Variants in CACNA2D3 observed in about 807,000 individuals in gnomAD.
The protein encoded by CACNA2D3 is calcium voltage-gated channel auxiliary subunit alpha2delta 3.
In CACNA2D3, 60 loss-of-function variants were observed where a neutral mutation model predicts 160.6. The ratio of observed to expected loss-of-function variants is 0.37; its 90% CI spans 0.30 to 0.46. The LOEUF is 0.46. CACNA2D3 is among the 20% of genes least tolerant of loss of function. The pLI, the probability that CACNA2D3 is intolerant of heterozygous loss-of-function variation, is 1.00. For synonymous variants in CACNA2D3, 558 were observed against 492.9 expected (o/e 1.13, Z -1.75); for missense variants, 1,205 against 1,365.0 (o/e 0.88, Z 1.85).
chr3:54,339,829 C>G (rs558638236), intron 3 of CACNA2D3, among the ~76,000 whole-genome samples: 17 of 152,216 alleles, frequency 1.1e-4, no homozygotes, highest in African/African-American at 3.9e-4. Context: ...CTAATGGTAC[C>G]ACTCACTCCT....
chr3:54,381,929 G>A (rs1211954144), intron 3 of CACNA2D3, among the ~76,000 whole-genome samples: 2 of 152,100 alleles, frequency 1.3e-5, no homozygotes, highest in South Asian at 2.1e-4. Flanking sequence ...TAGCTTATAG[G>A]TGCTTTTTTC....
At chr3:54,514,329 G>T (rs370205748) in intron 5 of CACNA2D3, among the ~76,000 whole-genome samples, 3 of 152,158 alleles carry the variant, frequency 2.0e-5, no homozygotes, top group Non-Finnish European at 4.4e-5. Context: ...ATGCAAAAAG[G>T]CTCTTCTCCT....
At position 55,074,519 on chromosome 3, in the gene CACNA2D3, AACTGTGTACTTTTTAAATAAAGT is replaced by A; in HGVS notation, c.*315_*337del. The A allele has an allele frequency of 3.8e-6, 1 of 261,584 alleles. No individual in the cohort carries two copies. Among genetic ancestry groups the A allele is most frequent in the Non-Finnish European group, 7.3e-6 (1 of 137,854 alleles). The allele number at this position is 261,584 out of a possible 1,614,324, so 16.2% of individuals were successfully genotyped here. ...TTGAAACCTATTGAAACCAATTTAA[AACTGTGTACTTTTTAAATAAAGT>A]ATATTAAAATCATAATCTCCGTGTT... On this transcript the variant is annotated 3_prime_UTR_variant, in exon 38 of 38. Coordinates refer to ENST00000474759, the MANE Select transcript of CACNA2D3 (RefSeq NM_018398.3).
intron 13 of CACNA2D3, among the ~76,000 whole-genome samples, chr3:54,797,907 C>A (rs1702899396): frequency 6.6e-6 from 1 of 152,106 alleles, no homozygotes. Flanking sequence ...AATAAGTAAG[C>A]CAAATAAGGA....
chr3:54,707,691 A>G (rs1212929535), intron 11 of CACNA2D3, among the ~76,000 whole-genome samples: 1 of 152,138 alleles, frequency 6.6e-6, no homozygotes. Context: ...AAGGCTGTCC[A>G]TAGGCTTTTG....
At chr3:54,262,893 T>G (rs1702431242) in intron 2 of CACNA2D3, among the ~76,000 whole-genome samples, 5 of 152,236 alleles carry the variant, frequency 3.3e-5, no homozygotes, top group Admixed American at 3.3e-4. Flanking sequence ...CAAGTTTGCT[T>G]TAAATTTTTA....
At chr3:54,979,042 A>G (rs1012642644) in intron 29 of CACNA2D3, among the ~76,000 whole-genome samples, 10 of 152,214 alleles carry the variant, frequency 6.6e-5, no homozygotes, top group African/African-American at 2.4e-4. Flanking sequence ...TCTTTGATGA[A>G]ATTTTGTTCC....
chr3:54,618,619 T>A (rs1268314617), intron 9 of CACNA2D3, among the ~76,000 whole-genome samples: 1 of 152,068 alleles, frequency 6.6e-6, no homozygotes, highest in Admixed American at 6.6e-5. Context: ...GTCCCTGGGG[T>A]CACATTTCTT....
At chr3:54,389,075 C>T (rs1274027011) in intron 4 of CACNA2D3, among the ~76,000 whole-genome samples, 2 of 152,152 alleles carry the variant, frequency 1.3e-5, no homozygotes, top group African/African-American at 2.4e-5. Context: ...GAGGCCAAGG[C>T]GGGTGTATCA....
At chr3:54,880,217 A>T (rs1699761206) in intron 20 of CACNA2D3, among the ~76,000 whole-genome samples, 1 of 152,310 alleles carries the variant, frequency 6.6e-6, no homozygotes, top group South Asian at 2.1e-4. Context: ...AACGTAAGGG[A>T]CTATGTTTTA....
At chr3:54,738,462 G>A (rs1701576042) in intron 11 of CACNA2D3, among the ~76,000 whole-genome samples, 1 of 152,106 alleles carries the variant, frequency 6.6e-6, no homozygotes, top group Admixed American at 6.6e-5. Flanking sequence ...TCCAGCACAT[G>A]GTATCTTTCT....
intron 2 of CACNA2D3, among the ~76,000 whole-genome samples, chr3:54,277,381 G>C (rs1702772244): frequency 6.6e-6 from 1 of 152,198 alleles, no homozygotes; most frequent in East Asian, 1.9e-4. Flanking sequence ...TTATTAAATA[G>C]GGAATCCTTT....
At chr3:54,490,018 C>G (rs973990412) in intron 4 of CACNA2D3, among the ~76,000 whole-genome samples, 1 of 152,100 alleles carries the variant, frequency 6.6e-6, no homozygotes, top group Non-Finnish European at 1.5e-5. Context: ...TGTTACTTCC[C>G]CATAGGACAC....
Position 54,562,886 on chromosome 3 carries a change from T to C in CACNA2D3, c.631T>C (p.Trp211Arg). Residue 211 changes from tryptophan (W) to arginine (R), a missense_variant, in exon 6 of 38, where the codon TGG (tryptophan) becomes CGG (arginine). This residue lies in a region of CACNA2D3 where 131 missense variants were observed against 201.5 expected (regional missense o/e 0.65). Coordinates refer to ENST00000474759, the MANE Select transcript of CACNA2D3 (RefSeq NM_018398.3). Reference protein sequence around the residue: ...DNFDRDPSLIWQYFGSAKGFF... With the variant: ...DNFDRDPSLIRQYFGSAKGFF... The stretch of plus-strand genomic sequence containing the variant: ...CTTTGACCGTGACCCATCTCTCATA[T>C]GGCAGTACTTTGGAAGTGCAAAGGG... 2 of 1,613,812 alleles carry C rather than the reference T, an allele frequency of 1.2e-6. No homozygotes were observed. The highest frequency in any genetic ancestry group is 1.7e-6 in the Non-Finnish European group (2 of 1,179,730).
intron 9 of CACNA2D3, among the ~76,000 whole-genome samples, chr3:54,611,449 A>C (rs1470803901): frequency 6.6e-6 from 1 of 152,198 alleles, no homozygotes; most frequent in Non-Finnish European, 1.5e-5. Context: ...AGATAGGGTC[A>C]CCTTAGCCAG....
At chr3:54,453,321 T>C (rs975937916) in intron 4 of CACNA2D3, among the ~76,000 whole-genome samples, 2 of 152,290 alleles carry the variant, frequency 1.3e-5, no homozygotes, top group East Asian at 3.9e-4. Context: ...AGCGGTTATA[T>C]TGGATTTAGG....
At chr3:54,155,008 C>G (rs1700220999) in intron 2 of CACNA2D3, among the ~76,000 whole-genome samples, 1 of 151,966 alleles carries the variant, frequency 6.6e-6, no homozygotes, top group Non-Finnish European at 1.5e-5. Flanking sequence ...AATAACAAAC[C>G]ATTATCACCT....
At chr3:54,541,278 G>GAAAAAAAAAAAAA (rs141900915) in intron 5 of CACNA2D3, among the ~76,000 whole-genome samples, 41 of 81,698 alleles carry the variant, frequency 5.0e-4, no homozygotes, top group Non-Finnish European at 6.3e-4. Flanking sequence ...CTCCGTCTCA[G>GAAAAAAAAAAAAA]AAAAAAAAAA....
intron 11 of CACNA2D3, among the ~76,000 whole-genome samples, chr3:54,717,834 T>C (rs1441125158): frequency 1.4e-5 from 2 of 145,500 alleles, no homozygotes; most frequent in South Asian, 2.2e-4. Flanking sequence ...GTGGTGTGTG[T>C]GCGTGAGTGT....
Sources: gnomAD v4.1 joint callset for allele counts (sites outside exome capture counted in the v4.1 genomes callset) on GRCh38, gnomAD v4.1.1 for gene constraint, gnomAD v4.1.1 regional missense constraint, MANE v1.5 for transcripts, NCBI Gene and HGNC (gene_info 2026-07-23, HGNC 2026-07-21) for gene names.